Variants in TUT7 observed in about 807,000 individuals in gnomAD.
TUT7 encodes the protein terminal uridylyl transferase 7, also known as terminal uridylyltransferase 7.
Under a neutral mutation model 165.9 loss-of-function variants are expected in TUT7, and 33 were observed. The ratio of observed to expected loss-of-function variants is 0.20; its 90% CI spans 0.15 to 0.27. The LOEUF (loss-of-function observed/expected upper bound fraction) is 0.27. Ranked by LOEUF, TUT7 falls within the 10% of genes least tolerant of loss-of-function variation. The pLI, the probability that TUT7 is intolerant of heterozygous loss-of-function variation, is 1.00. For synonymous variants in TUT7, 552 were observed against 608.1 expected, an observed-to-expected ratio of 0.91 and a Z score of 1.36; for missense variants, 1,338 against 1,762.3, an observed-to-expected ratio of 0.76 and a Z score of 4.31.
chr9:86,309,672 GAACT>G (rs1352459032), intron 19 of TUT7, 96 bp from the exon 20 acceptor site: 3 of 1,096,720 alleles, frequency 2.7e-6, no homozygotes, highest in Non-Finnish European at 4.0e-6. Context: ...CATATTTTGA[GAACT>G]AATATAAAAA....
At chr9:86,314,980 C>T (rs1345687022) in intron 17 of TUT7, among the ~76,000 whole-genome samples, 1 of 152,122 alleles carries the variant, frequency 6.6e-6, no homozygotes, top group East Asian at 1.9e-4. Flanking sequence ...TTCCATCAAC[C>T]TCCCCTGTGC....
At position 86,347,284 on chromosome 9, in the gene TUT7, AATC is replaced by A. The variant is rs952533999; in HGVS notation, c.521-807_521-805del. Among the ~76,000 whole-genome samples the A allele has an allele frequency of 3.3e-5, 5 of 152,246 alleles. No homozygotes were observed. The East Asian group carries it at 5.8e-4, about 18-fold the overall frequency. ...TTCTATAATCCTTATAATGAATAAA[AATC>A]ATCCTGTTCCTTTTTAAAACTTATA... On this transcript the variant is annotated intron_variant, in intron 2 of 26. Coordinates refer to ENST00000375963, the MANE Select transcript of TUT7 (RefSeq NM_024617.4).
At chr9:86,330,146 C>T (rs112540662) in intron 10 of TUT7, among the ~76,000 whole-genome samples, 2,776 of 152,258 alleles carry the variant, frequency 0.018, 48 homozygotes, top group Non-Finnish European at 0.027. Context: ...CAACCTCTAC[C>T]TCCTGGGTTG....
intron 17 of TUT7, among the ~76,000 whole-genome samples, chr9:86,313,201 T>C (rs1029398678): frequency 6.6e-6 from 1 of 152,058 alleles, no homozygotes; most frequent in Non-Finnish European, 1.5e-5. Context: ...GAGGAGCCAA[T>C]GAACTGGTCT....
chr9:86,340,053 C>T lies in TUT7; in HGVS notation c.1191G>A (p.Val397=), dbSNP rs1434001972. 1.9e-6 allele frequency: 3 copies of T among 1,613,878 alleles called. No homozygotes were observed. Among genetic ancestry groups the T allele is most frequent in the Non-Finnish European group, 1.7e-6 (2 of 1,179,832 alleles). The change falls in exon 8 of 27, where the codon GTG becomes GTA. Residue 397 remains valine, a synonymous_variant. Coordinates refer to ENST00000375963, the MANE Select transcript of TUT7 (RefSeq NM_024617.4). ...ADFHARVPVV[V]CREKQSGLLC... ...AATGAGACCTTTGCTTTTCTCTGCA[C>T]ACCACCACTGGCACCCTAGCATGGA...
At chr9:86,309,084 C>A (rs888261701) in intron 21 of TUT7, 128 bp downstream of exon 21, 1 of 605,160 alleles carries the variant, frequency 1.7e-6, no homozygotes, top group Non-Finnish European at 2.9e-6. Context: ...TCTGAAAACA[C>A]TATTTTTTTT....
At chr9:86,354,089 C>T (rs1229368742) in intron 1 of TUT7, among the ~76,000 whole-genome samples, 182 bp downstream of exon 1, 2 of 152,196 alleles carry the variant, frequency 1.3e-5, no homozygotes, top group African/African-American at 4.8e-5. Context: ...TTCCAGGGTT[C>T]CCCCGGCCGG....
intron 14 of TUT7, 134 bp from the exon 15 acceptor site, chr9:86,319,804 T>TACTG: frequency 1.5e-6 from 1 of 655,224 alleles, no homozygotes; most frequent in Non-Finnish European, 2.6e-6. Context: ...TTGTGTCTTC[T>TACTG]CAGTAGATAG....
At chr9:86,339,928 C>T in intron 8 of TUT7, 108 bp downstream of exon 8, 1 of 861,248 alleles carries the variant, frequency 1.2e-6, no homozygotes, top group Middle Eastern at 2.3e-4. Flanking sequence ...TGTGTGATAA[C>T]CAAATAAAAA....
At chr9:86,315,763 T>A (rs76723646) in intron 17 of TUT7, among the ~76,000 whole-genome samples, 151 of 151,650 alleles carry the variant, frequency 1.0e-3, no homozygotes, top group African/African-American at 3.0e-3. Context: ...CTTTTTTTTT[T>A]ATATTGTTCT....
At chr9:86,316,476 T>C (rs1005778821) in intron 17 of TUT7, among the ~76,000 whole-genome samples, 2 of 152,188 alleles carry the variant, frequency 1.3e-5, no homozygotes, top group Non-Finnish European at 2.9e-5. Flanking sequence ...TTCAGGGTCA[T>C]ATACAGCTTG....
intron 5 of TUT7, 93 bp downstream of exon 5, chr9:86,344,884 A>C (rs1300267942): frequency 8.2e-7 from 1 of 1,222,824 alleles, no homozygotes; most frequent in Non-Finnish European, 1.1e-6. Flanking sequence ...TGACATGGTA[A>C]ATAAATTTTT....
intron 7 of TUT7, among the ~76,000 whole-genome samples, 173 bp downstream of exon 7, chr9:86,340,829 C>A (rs1404208793): frequency 1.3e-5 from 2 of 152,160 alleles, no homozygotes; most frequent in Non-Finnish European, 2.9e-5. Flanking sequence ...GGTTATTCTG[C>A]ATAGTAGAAC....
At chr9:86,317,961 T>C (rs1828883583) in intron 16 of TUT7, among the ~76,000 whole-genome samples, 1 of 152,218 alleles carries the variant, frequency 6.6e-6, no homozygotes, top group Admixed American at 6.5e-5. Flanking sequence ...TGAGGATGTA[T>C]GATAGGGTCA....
chr9:86,351,841 A>T (rs1232338943), intron 2 of TUT7, among the ~76,000 whole-genome samples: 1 of 152,206 alleles, frequency 6.6e-6, no homozygotes, highest in East Asian at 1.9e-4. Flanking sequence ...CCATGTTTCC[A>T]ACTGTGATAT....
At chr9:86,339,139 G>A (rs1587991363) in intron 8 of TUT7, among the ~76,000 whole-genome samples, 190 bp from the exon 9 acceptor site, 1 of 152,036 alleles carries the variant, frequency 6.6e-6, no homozygotes, top group African/African-American at 2.4e-5. Context: ...AAAAGATATC[G>A]TGGCTATTTT....
At chr9:86,317,705 G>A (rs1034688673) in intron 16 of TUT7, among the ~76,000 whole-genome samples, 1 of 152,228 alleles carries the variant, frequency 6.6e-6, no homozygotes, top group Admixed American at 6.5e-5. Context: ...ATGAATTGCT[G>A]TGGAGAGTGA....
At chr9:86,326,995 T>C (rs571850146) in intron 11 of TUT7, among the ~76,000 whole-genome samples, 38 of 152,376 alleles carry the variant, frequency 2.5e-4, no homozygotes, top group African/African-American at 9.1e-4. Context: ...TTTATTATAT[T>C]AAGCTTCAAA....
intron 2 of TUT7, among the ~76,000 whole-genome samples, chr9:86,349,018 C>T (rs1019736761): frequency 1.3e-5 from 2 of 152,124 alleles, no homozygotes; most frequent in African/African-American, 4.8e-5. Context: ...GCAGCTCATG[C>T]CTGTAATCCC....
Sources: gnomAD v4.1 joint callset for allele counts (sites outside exome capture counted in the v4.1 genomes callset) on GRCh38, gnomAD v4.1.1 for gene constraint, MANE v1.5 for transcripts, NCBI Gene and HGNC (gene_info 2026-07-23, HGNC 2026-07-21) for gene names.